The following SNX30 variants were observed in gnomAD, a reference collection of about 807,000 sequenced individuals.
SNX30 encodes the protein sorting nexin-30.
Under a neutral mutation model 46.4 loss-of-function variants are expected in SNX30, and 24 were observed. The ratio of observed to expected loss-of-function variants is 0.52; its 90% CI spans 0.37 to 0.73. SNX30 has a LOEUF of 0.73. Among genes scored for constraint, SNX30 ranks in the 30% least tolerant of loss-of-function variants. The probability of loss-of-function intolerance (pLI) is 0.00; values close to 1 mark genes in which losing one functional copy is unlikely to be tolerated. For synonymous variants in SNX30, 189 were observed against 211.5 expected (o/e 0.89, Z 0.92); for missense variants, 533 against 555.7 (o/e 0.96, Z 0.41).
At chr9:112,750,677 T>TCCCCGCCCC (rs1485662446), upstream of SNX30, among the ~76,000 whole-genome samples, 2 of 150,580 alleles carry the variant, frequency 1.3e-5, no homozygotes, top group Non-Finnish European at 3.0e-5. Flanking sequence ...TTCCCCGCCC[T>TCCCCGCCCC]CCCCGCCCCC....
intron 2 of SNX30, among the ~76,000 whole-genome samples, chr9:112,816,680 T>G (rs1840400116): frequency 6.6e-6 from 1 of 152,212 alleles, no homozygotes. Context: ...GATGAATGAC[T>G]CTCGTTCATG....
chr9:112,793,810 T>G (rs1281314449), intron 1 of SNX30, among the ~76,000 whole-genome samples: 1 of 151,564 alleles, frequency 6.6e-6, no homozygotes, highest in Non-Finnish European at 1.5e-5. Context: ...TTTTGTTTTT[T>G]TTTTTTTCTT....
intron 1 of SNX30, among the ~76,000 whole-genome samples, chr9:112,781,604 T>C (rs981482764): frequency 6.6e-6 from 1 of 152,160 alleles, no homozygotes; most frequent in African/African-American, 2.4e-5. Context: ...GGGTTAAGAA[T>C]GCTTTTTTAT....
chr9:112,797,650 T>A (rs1690177981), intron 1 of SNX30, among the ~76,000 whole-genome samples: 1 of 151,802 alleles, frequency 6.6e-6, no homozygotes. Context: ...AATTGGTTGA[T>A]CTCTTAAGTT....
chr9:112,842,186 G>A (rs1278427838), intron 6 of SNX30, among the ~76,000 whole-genome samples: 1 of 152,210 alleles, frequency 6.6e-6, no homozygotes, highest in East Asian at 1.9e-4. Context: ...CAAGTGATCT[G>A]CCTGCCCTGG....
intron 5 of SNX30, among the ~76,000 whole-genome samples, chr9:112,881,274 C>T (rs972254330): frequency 6.6e-6 from 1 of 152,168 alleles, no homozygotes. Context: ...ATGAACAACA[C>T]CTGGAGTTGC....
chr9:112,829,869 T>C (rs1302093843), intron 3 of SNX30, among the ~76,000 whole-genome samples: 2 of 152,228 alleles, frequency 1.3e-5, no homozygotes, highest in African/African-American at 4.8e-5. Flanking sequence ...TTCATGTGCT[T>C]CTTAGCCATT....
intron 7 of SNX30, chr9:112,856,952 G>A (rs1226939222): frequency 1.3e-5 from 2 of 152,682 alleles, no homozygotes; most frequent in East Asian, 3.9e-4. Context: ...CCCGGGGTCA[G>A]GGGAAGCGTG....
rs1057377681 is a variant in SNX30 at position 112,870,122 on chromosome 9, C to T, written c.*1279C>T. On this transcript the variant is annotated 3_prime_UTR_variant, in exon 9 of 9. Transcript: ENST00000374232. ...GCATTTCAGACAATGACCAGGTTTA[C>T]TTTTCAGATCACAAAGCAAACAGTC... 1.3e-5 allele frequency: 2 copies of T among 152,148 alleles called. No individual in the cohort carries two copies. Among genetic ancestry groups the T allele is most frequent in the Non-Finnish European group, 1.5e-5 (1 of 68,032 alleles). The allele number at this position is 152,148 out of a possible 1,614,324, so 9.4% of individuals were successfully genotyped here. A position where few individuals can be genotyped will look rare whatever the true frequency, so the allele number is the denominator to read the frequency against.
At chr9:112,838,330 G>A (rs1220170639) in intron 5 of SNX30, among the ~76,000 whole-genome samples, 168 bp from the exon 6 acceptor site, 1 of 152,224 alleles carries the variant, frequency 6.6e-6, no homozygotes. Flanking sequence ...TTTTTAAGCA[G>A]TTGTGCTAGA....
chr9:112,812,494 T>G (rs531869887), intron 2 of SNX30, among the ~76,000 whole-genome samples: 20 of 152,280 alleles, frequency 1.3e-4, no homozygotes, highest in African/African-American at 4.1e-4. Flanking sequence ...GACCAAGTGA[T>G]CTGCCCACCT....
chr9:112,804,234 G>A (rs943758901), intron 1 of SNX30, among the ~76,000 whole-genome samples: 1 of 151,912 alleles, frequency 6.6e-6, no homozygotes, highest in Non-Finnish European at 1.5e-5. Flanking sequence ...GCGCAGTCTC[G>A]GCTCACTGCA....
chr9:112,797,706 T>A (rs1840129474), intron 1 of SNX30, among the ~76,000 whole-genome samples: 1 of 59,556 alleles, frequency 1.7e-5, no homozygotes, highest in South Asian at 8.2e-4. Context: ...TTTCTTTTTC[T>A]TTTTCTTTTT....
At chr9:112,852,934 A>T (rs1841052860) in intron 7 of SNX30, among the ~76,000 whole-genome samples, 1 of 152,088 alleles carries the variant, frequency 6.6e-6, no homozygotes, top group Admixed American at 6.5e-5. Context: ...TGAAACCCAC[A>T]CCTCAGAAAT....
intron 2 of SNX30, among the ~76,000 whole-genome samples, chr9:112,813,305 A>C (rs187637870): frequency 2.6e-5 from 4 of 152,078 alleles, no homozygotes; most frequent in African/African-American, 7.2e-5. Flanking sequence ...CTCTACAAAA[A>C]AAACAAACAA....
At chr9:112,842,143 A>G (rs1203356807) in intron 6 of SNX30, among the ~76,000 whole-genome samples, 1 of 152,192 alleles carries the variant, frequency 6.6e-6, no homozygotes, top group Admixed American at 6.5e-5. Context: ...AGGTTTCACG[A>G]CGTTGGCCAG....
intron 3 of SNX30, among the ~76,000 whole-genome samples, chr9:112,821,834 C>G (rs1840503187): frequency 6.6e-6 from 1 of 152,008 alleles, no homozygotes; most frequent in South Asian, 2.1e-4. Context: ...TTTTGTCACC[C>G]AGGCTGGAGT....
chr9:112,877,843 G>T (rs1314870916), downstream of SNX30: 2 of 152,130 alleles, frequency 1.3e-5, no homozygotes, highest in South Asian at 4.2e-4. Context: ...TTAGCCTCCT[G>T]AGTAGCTGGG....
Position 112,869,027 on chromosome 9 carries a change from T to A in SNX30, c.*184T>A. Reference sequence around the variant, plus strand: ...TTTTCAATTAGTATTTATTCCATGGTGGAGTCTGTGAGGCTAGAATATCTC... The same window carrying A: ...TTTTCAATTAGTATTTATTCCATGGAGGAGTCTGTGAGGCTAGAATATCTC... On this transcript the variant is annotated 3_prime_UTR_variant, in exon 9 of 9. Coordinates refer to ENST00000374232, the MANE Select transcript of SNX30 (RefSeq NM_001012994.2). 1 of 617,090 alleles carries A rather than the reference T, an allele frequency of 1.6e-6. No homozygotes were observed. Among genetic ancestry groups the A allele is most frequent in the Non-Finnish European group, 2.9e-6 (1 of 345,352 alleles). The allele number at this position is 617,090 out of a possible 1,614,324, so 38.2% of individuals were successfully genotyped here.
Sources: gnomAD v4.1 joint callset for allele counts (sites outside exome capture counted in the v4.1 genomes callset) on GRCh38, gnomAD v4.1.1 for gene constraint, MANE v1.5 for transcripts, NCBI Gene and HGNC (gene_info 2026-07-23, HGNC 2026-07-21) for gene names.